Variants in HP1BP3 observed in about 807,000 individuals in gnomAD.
The protein encoded by HP1BP3 is heterochromatin protein 1 binding protein 3.
Under a neutral mutation model 62.5 loss-of-function variants are expected in HP1BP3, and 12 were observed. The observed-to-expected ratio is 0.19, with a 90% CI of 0.12 to 0.31. HP1BP3 has a LOEUF of 0.31. Ranked by LOEUF, HP1BP3 falls within the 10% of genes least tolerant of loss-of-function variation. The pLI, the probability that HP1BP3 is intolerant of heterozygous loss-of-function variation, is 1.00. For synonymous variants in HP1BP3, 260 were observed against 237.8 expected (o/e 1.09, Z -0.86); for missense variants, 502 against 651.8 (o/e 0.77, Z 2.50).
chr1:20,774,756 G>C (rs763306025), intron 4 of HP1BP3: 1 of 152,214 alleles, frequency 6.6e-6, no homozygotes. Flanking sequence ...AGGCCAAGGT[G>C]GGCGGATCAC....
intron 1 of HP1BP3, among the ~76,000 whole-genome samples, chr1:20,786,933 G>A (rs1192658921): frequency 3.9e-5 from 6 of 152,108 alleles, no homozygotes; most frequent in Non-Finnish European, 8.8e-5. Flanking sequence ...AACAAAACAA[G>A]GGCGGGAGCG....
intron 4 of HP1BP3, 69 bp from the exon 5 acceptor site, chr1:20,773,679 A>G (rs1359765028): frequency 9.0e-7 from 1 of 1,109,154 alleles, no homozygotes; most frequent in African/African-American, 1.6e-5. Context: ...CAGAAGGAGG[A>G]AAAGACCAGG....
intron 9 of HP1BP3, among the ~76,000 whole-genome samples, chr1:20,752,545 A>C (rs184255568): frequency 2.3e-4 from 35 of 152,126 alleles, no homozygotes; most frequent in Admixed American, 5.2e-4. Flanking sequence ...CCGCCTCAGC[A>C]TCCCAAATTG....
rs751499834 is a variant in HP1BP3 at position 20,749,835 on chromosome 1, T to G, written c.1029A>C (p.Glu343Asp). The change falls in exon 10 of 13, where the codon GAA becomes GAC. Residue 343 changes from glutamate to aspartate, a missense_variant. Coordinates refer to ENST00000438032, the MANE Select transcript of HP1BP3 (RefSeq NM_001372052.1). The stretch of plus-strand genomic sequence containing the variant: ...CAGCAATGGCAGACAAGATTGCATA[T>G]TCCATCAGGCTTCCACCAAGCAGGG... ...EKPLLGGSLMEYAILSAIAAM... is the reference protein window; with the variant it reads ...EKPLLGGSLMDYAILSAIAAM... 6.2e-7 allele frequency: 1 copy of G among 1,614,036 alleles called. No homozygotes were observed. Among genetic ancestry groups the G allele is most frequent in the Admixed American group, 1.7e-5 (1 of 60,012 alleles).
intron 9 of HP1BP3, among the ~76,000 whole-genome samples, chr1:20,751,824 T>C (rs1312300657): frequency 6.7e-6 from 1 of 149,392 alleles, no homozygotes; most frequent in Non-Finnish European, 1.5e-5. Flanking sequence ...GGTTAGCAAA[T>C]AATATGCAAA....
At position 20,770,244 on chromosome 1, in the gene HP1BP3, A is replaced by G. The variant is rs116007294; in HGVS notation, c.654+686T>C. On this transcript the variant is annotated intron_variant, in intron 6 of 12. Transcript: ENST00000438032. ...TAAGGTGAGCACATTTATGAAGCTA[A>G]AAATTAATAGTAACAAGTCTATCAT... 1.5e-3 allele frequency among the ~76,000 whole-genome samples: 235 copies of G among 152,342 alleles called. 1 individual carries two copies. The highest frequency in any genetic ancestry group is 5.3e-3 in the African/African-American group (219 of 41,580).
intron 8 of HP1BP3, among the ~76,000 whole-genome samples, chr1:20,761,332 TA>T (rs1190970169): frequency 6.6e-6 from 1 of 152,184 alleles, no homozygotes; most frequent in African/African-American, 2.4e-5. Context: ...TGAGCCACAG[TA>T]CCCAGCCTGT....
chr1:20,744,232 C>T lies in HP1BP3; in HGVS notation c.*565G>A, dbSNP rs1012338958. 1 of 152,644 alleles carries T rather than the reference C, an allele frequency of 6.6e-6. No homozygotes were observed. The highest frequency in any genetic ancestry group is 1.5e-5 in the Non-Finnish European group (1 of 68,114). 9.5% of individuals were successfully genotyped at this position (152,644 alleles called of 1,614,324 possible). On this transcript the variant is annotated 3_prime_UTR_variant, in exon 13 of 13. Transcript: ENST00000438032. ...ATATCTTCAAAATCTAATGAGATCA[C>T]CCTGTTTTTGGCTTATTCCCAAAGC...
intron 9 of HP1BP3, among the ~76,000 whole-genome samples, chr1:20,752,676 C>T (rs1178931802): frequency 6.6e-6 from 1 of 152,034 alleles, no homozygotes; most frequent in Non-Finnish European, 1.5e-5. Context: ...AAGGCAGAGA[C>T]ACAAAAATGT....
chr1:20,767,104 G>C (rs1434448784), intron 7 of HP1BP3, among the ~76,000 whole-genome samples: 2 of 152,142 alleles, frequency 1.3e-5, no homozygotes, highest in African/African-American at 4.8e-5. Context: ...AGATCACTGA[G>C]GTCAAGAGTT....
At chr1:20,769,750 G>A (rs139336075) in intron 6 of HP1BP3, among the ~76,000 whole-genome samples, 2 of 152,200 alleles carry the variant, frequency 1.3e-5, no homozygotes, top group African/African-American at 4.8e-5. Context: ...TACATTTTGA[G>A]AAAGCTGGAC....
intron 8 of HP1BP3, among the ~76,000 whole-genome samples, chr1:20,758,265 TA>T (rs1268108924): frequency 1.3e-5 from 2 of 152,198 alleles, no homozygotes; most frequent in Non-Finnish European, 2.9e-5. Flanking sequence ...AGAATAACAT[TA>T]GTTGAACATT....
intron 7 of HP1BP3, among the ~76,000 whole-genome samples, chr1:20,766,595 G>A (rs1467985303): frequency 6.6e-6 from 1 of 152,164 alleles, no homozygotes; most frequent in East Asian, 1.9e-4. Flanking sequence ...ACAAAAACAG[G>A]AAGAAAAATT....
At chr1:20,748,525 T>C (rs895197283) in intron 10 of HP1BP3, among the ~76,000 whole-genome samples, 49 of 152,208 alleles carry the variant, frequency 3.2e-4, no homozygotes, top group African/African-American at 1.2e-3. Flanking sequence ...GGCCGGCAGA[T>C]CACGAGGTAA....
chr1:20,751,117 A>C (rs1334337688), intron 9 of HP1BP3, among the ~76,000 whole-genome samples: 1 of 151,988 alleles, frequency 6.6e-6, no homozygotes, highest in Non-Finnish European at 1.5e-5. Flanking sequence ...GTGGCCGGCC[A>C]TTATTTCCTC....
chr1:20,764,196 C>T (rs2056642087), intron 8 of HP1BP3, among the ~76,000 whole-genome samples: 1 of 151,826 alleles, frequency 6.6e-6, no homozygotes, highest in Non-Finnish European at 1.5e-5. Flanking sequence ...TTCTTACAAC[C>T]CTGAAGCTTT....
intron 11 of HP1BP3, among the ~76,000 whole-genome samples, chr1:20,746,974 C>T (rs925330776): frequency 1.3e-5 from 2 of 152,106 alleles, no homozygotes; most frequent in South Asian, 2.1e-4. Flanking sequence ...CGAGATTATA[C>T]CACTGCTCCA....
At position 20,771,057 on chromosome 1, in the gene HP1BP3, C is replaced by G. The variant is rs755539620; in HGVS notation, c.527G>C (p.Ser176Thr). 17 of 1,605,546 alleles carry G rather than the reference C, an allele frequency of 1.1e-5. No individual in the cohort carries two copies. The highest frequency in any genetic ancestry group is 1.4e-5 in the Non-Finnish European group (17 of 1,177,302). Reference protein sequence around the residue: ...TEAIKACFQKSGASVVAIRKY... With the variant: ...TEAIKACFQKTGASVVAIRKY... ...TCGAATAGCAACCACTGATGCACCACTCTTCTGGAAGCATGCCTAGAAAAG... is the reference window on the plus strand; with the variant it reads ...TCGAATAGCAACCACTGATGCACCAGTCTTCTGGAAGCATGCCTAGAAAAG... The change falls in exon 6 of 13, where the codon AGT (serine) becomes ACT (threonine). Residue 176 changes from serine to threonine, a missense_variant. Physicochemically the swap from Ser to Thr is moderately conservative, Grantham distance 58. Coordinates refer to ENST00000438032, the MANE Select transcript of HP1BP3 (RefSeq NM_001372052.1).
intron 10 of HP1BP3, among the ~76,000 whole-genome samples, chr1:20,748,160 C>A (rs1298171215): frequency 6.6e-6 from 1 of 151,798 alleles, no homozygotes; most frequent in Non-Finnish European, 1.5e-5. Context: ...AAACAGCAGA[C>A]CTAAAACTAA....
Sources: allele counts gnomAD v4.1 joint callset (sites outside exome capture counted in the v4.1 genomes callset), GRCh38; gene constraint gnomAD v4.1.1; transcripts MANE v1.5; gene names NCBI Gene and HGNC (gene_info 2026-07-23, HGNC 2026-07-21).